PRKCE: variants seen among roughly 807,000 people sequenced by gnomAD.
PRKCE encodes protein kinase C epsilon type.
A neutral mutation model predicts 85.4 loss-of-function variants in PRKCE; 16 were observed. That is an observed-to-expected ratio of 0.19 (90% confidence interval 0.13 to 0.28). The LOEUF is 0.28. PRKCE is among the 10% of genes least tolerant of loss of function. The probability of loss-of-function intolerance (pLI) is 1.00; values close to 1 mark genes in which losing one functional copy is unlikely to be tolerated. For synonymous variants in PRKCE, 388 were observed against 371.5 expected (o/e 1.04, Z -0.51); for missense variants, 573 against 975.2 (o/e 0.59, Z 5.49).
At chr2:45,846,268 G>A (rs1275182170) in intron 2 of PRKCE, among the ~76,000 whole-genome samples, 3 of 152,172 alleles carry the variant, frequency 2.0e-5, no homozygotes, top group Admixed American at 6.5e-5. Flanking sequence ...TTCATATGAT[G>A]TAATTTGCAT....
At chr2:46,111,807 C>T (rs938698093) in intron 11 of PRKCE, among the ~76,000 whole-genome samples, 2 of 152,112 alleles carry the variant, frequency 1.3e-5, no homozygotes, top group Non-Finnish European at 2.9e-5. Flanking sequence ...CTGATGTCTT[C>T]GTTTCTCTTG....
intron 1 of PRKCE, among the ~76,000 whole-genome samples, chr2:45,655,170 A>G (rs1386266562): frequency 1.3e-5 from 2 of 152,078 alleles, no homozygotes; most frequent in African/African-American, 4.8e-5. Flanking sequence ...CATCCAGAGG[A>G]AAATGAGGCC....
chr2:45,811,615 T>C (rs1473078724), intron 1 of PRKCE, among the ~76,000 whole-genome samples: 3 of 152,162 alleles, frequency 2.0e-5, no homozygotes, highest in African/African-American at 7.2e-5. Context: ...AAAGTCACCA[T>C]CTATGTATGG....
chr2:45,822,497 A>G (rs1689616063), intron 1 of PRKCE, among the ~76,000 whole-genome samples: 1 of 152,336 alleles, frequency 6.6e-6, no homozygotes, highest in Non-Finnish European at 1.5e-5. Context: ...CTGTTGCTGG[A>G]TGTGGACACA....
chr2:46,026,396 G>C (rs1244274491), intron 10 of PRKCE, among the ~76,000 whole-genome samples: 3 of 152,214 alleles, frequency 2.0e-5, no homozygotes, highest in African/African-American at 4.8e-5. Flanking sequence ...AAATCAGAAA[G>C]AAGCGTAGAA....
intron 1 of PRKCE, among the ~76,000 whole-genome samples, chr2:45,704,652 T>G (rs998302145): frequency 9.2e-5 from 14 of 152,216 alleles, no homozygotes; most frequent in Non-Finnish European, 2.1e-4. Flanking sequence ...CGCCAGTCTT[T>G]TAGAAGTATT....
intron 10 of PRKCE, among the ~76,000 whole-genome samples, chr2:46,066,065 T>G (rs1382035636): frequency 6.6e-6 from 1 of 152,236 alleles, no homozygotes. Context: ...ACAGTCCAAC[T>G]GTCATTTTAA....
intron 1 of PRKCE, among the ~76,000 whole-genome samples, chr2:45,684,984 G>A (rs1677189839): frequency 1.3e-5 from 2 of 152,198 alleles, no homozygotes; most frequent in Non-Finnish European, 2.9e-5. Flanking sequence ...CTTTGGCACT[G>A]GTTAGAAAGT....
chr2:45,760,987 A>C (rs1684424984), intron 1 of PRKCE, among the ~76,000 whole-genome samples: 2 of 152,040 alleles, frequency 1.3e-5, no homozygotes, highest in Non-Finnish European at 2.9e-5. Context: ...CTTGACTTTG[A>C]CATGTTCTCA....
chr2:45,927,190 A>G (rs1184362127), intron 2 of PRKCE, among the ~76,000 whole-genome samples: 1 of 152,042 alleles, frequency 6.6e-6, no homozygotes, highest in South Asian at 2.1e-4. Flanking sequence ...TGTATAGTCC[A>G]TGTGTGAGTG....
intron 2 of PRKCE, among the ~76,000 whole-genome samples, chr2:45,904,857 G>A (rs1161849900): frequency 6.6e-6 from 1 of 152,172 alleles, no homozygotes; most frequent in African/African-American, 2.4e-5. Context: ...ATGAGAGGGG[G>A]GCTGGGTGAG....
chr2:45,751,686 T>C (rs1356357188), intron 1 of PRKCE, among the ~76,000 whole-genome samples: 2 of 152,100 alleles, frequency 1.3e-5, no homozygotes, highest in Non-Finnish European at 1.5e-5. Context: ...GTAATCGACT[T>C]TAAAAAATGA....
At chr2:46,030,322 C>T (rs774557083) in intron 10 of PRKCE, among the ~76,000 whole-genome samples, 26 of 152,210 alleles carry the variant, frequency 1.7e-4, no homozygotes, top group African/African-American at 2.4e-4. Context: ...TGTCTAACCC[C>T]CAGGTCCTTT....
At chr2:45,817,673 A>G (rs574121993) in intron 1 of PRKCE, among the ~76,000 whole-genome samples, 25 of 152,164 alleles carry the variant, frequency 1.6e-4, no homozygotes, top group African/African-American at 3.4e-4. Flanking sequence ...CAGCCTGGGC[A>G]ACAGAGCGAG....
chr2:45,868,096 G>A (rs1041221842), intron 2 of PRKCE, among the ~76,000 whole-genome samples: 1 of 151,972 alleles, frequency 6.6e-6, no homozygotes, highest in Non-Finnish European at 1.5e-5. Context: ...TCCGTGAGTG[G>A]TGGGTTCAGT....
intron 11 of PRKCE, among the ~76,000 whole-genome samples, chr2:46,101,299 G>A (rs563886652): frequency 6.6e-6 from 1 of 152,288 alleles, no homozygotes; most frequent in African/African-American, 2.4e-5. Context: ...ATATGGAGTT[G>A]CCAGGGAAAC....
chr2:45,857,795 G>A lies in PRKCE; in HGVS notation c.412+14732G>A, dbSNP rs150936877. 3.3e-5 allele frequency among the ~76,000 whole-genome samples: 5 copies of A among 152,162 alleles called. No homozygotes were observed. In the East Asian group the frequency reaches 9.7e-4, roughly 29 times the overall value. ...AACTCTTTAGGATCTAAGCTCTATC[G>A]GGGCAGGGACTGTGTTTATTTTCAT... On this transcript the variant is annotated intron_variant, in intron 2 of 14. Transcript: ENST00000306156.
intron 14 of PRKCE, among the ~76,000 whole-genome samples, chr2:46,173,646 C>T (rs1013283068): frequency 6.6e-6 from 1 of 152,232 alleles, no homozygotes; most frequent in African/African-American, 2.4e-5. Context: ...AAGGAACCTT[C>T]GGGTAGTTGC....
intron 14 of PRKCE, among the ~76,000 whole-genome samples, chr2:46,163,777 G>A (rs1169743727): frequency 7.0e-6 from 1 of 142,026 alleles, no homozygotes; most frequent in African/African-American, 2.7e-5. Flanking sequence ...GAAAGGTGAG[G>A]TGCACACCAC....
Sources: gnomAD v4.1 joint callset for allele counts (sites outside exome capture counted in the v4.1 genomes callset) on GRCh38, gnomAD v4.1.1 for gene constraint, MANE v1.5 for transcripts, NCBI Gene and HGNC (gene_info 2026-07-23, HGNC 2026-07-21) for gene names.